The following DENND1A variants were observed in gnomAD, a reference collection of about 807,000 sequenced individuals.
DENND1A encodes DENN domain-containing protein 1A.
In DENND1A, 51 loss-of-function variants were observed where a neutral mutation model predicts 113.7. That is an observed-to-expected ratio of 0.45 (90% CI 0.36 to 0.57). The LOEUF is 0.57. Among genes scored for constraint, DENND1A ranks in the 20% least tolerant of loss-of-function variants. The pLI is 0.00. For synonymous variants in DENND1A, 565 were observed against 570.8 expected (o/e 0.99, Z 0.14); for missense variants, 1,258 against 1,395.9 (o/e 0.90, Z 1.57).
At chr9:123,853,842 C>T (rs1195989777) in intron 2 of DENND1A, among the ~76,000 whole-genome samples, 1 of 152,064 alleles carries the variant, frequency 6.6e-6, no homozygotes, top group Non-Finnish European at 1.5e-5. Flanking sequence ...CTTGAGATGC[C>T]AGCCTCTCAA....
intron 3 of DENND1A, among the ~76,000 whole-genome samples, chr9:123,774,595 T>C (rs1292244100): frequency 3.3e-5 from 5 of 152,164 alleles, no homozygotes; most frequent in African/African-American, 1.2e-4. Context: ...TAAGGGGTTT[T>C]ACAGAAAGGC....
intron 2 of DENND1A, among the ~76,000 whole-genome samples, chr9:123,864,768 G>A (rs1845588023): frequency 6.6e-6 from 1 of 151,904 alleles, no homozygotes; most frequent in African/African-American, 2.4e-5. Flanking sequence ...TCAACCTACT[G>A]GAAATGAGAT....
intron 2 of DENND1A, among the ~76,000 whole-genome samples, chr9:123,810,259 A>G (rs1158007221): frequency 2.0e-5 from 3 of 152,040 alleles, no homozygotes; most frequent in Non-Finnish European, 2.9e-5. Context: ...TTCATGTCGC[A>G]AGGCAACTCT....
At chr9:123,472,096 A>G (rs1181653010) in intron 13 of DENND1A, among the ~76,000 whole-genome samples, 2 of 152,166 alleles carry the variant, frequency 1.3e-5, no homozygotes, top group Non-Finnish European at 2.9e-5. Context: ...CGTACTTTGG[A>G]GCACACAGCA....
At chr9:123,632,613 C>T (rs1409224448) in intron 9 of DENND1A, among the ~76,000 whole-genome samples, 4 of 152,100 alleles carry the variant, frequency 2.6e-5, no homozygotes, top group African/African-American at 9.7e-5. Flanking sequence ...CCATCACTTC[C>T]TACTCAGAAG....
intron 13 of DENND1A, among the ~76,000 whole-genome samples, chr9:123,499,179 A>G (rs754582605): frequency 2.6e-5 from 4 of 151,924 alleles, no homozygotes; most frequent in Non-Finnish European, 5.9e-5. Flanking sequence ...GATTACAGGC[A>G]CACGCCACCA....
chr9:123,644,856 T>A (rs7019878), intron 9 of DENND1A, among the ~76,000 whole-genome samples: 1 of 152,180 alleles, frequency 6.6e-6, no homozygotes, highest in Non-Finnish European at 1.5e-5. Flanking sequence ...ATAATATCTA[T>A]CTTCTAGGAA....
intron 2 of DENND1A, among the ~76,000 whole-genome samples, chr9:123,802,263 C>A (rs368459836): frequency 3.9e-5 from 6 of 152,308 alleles, no homozygotes; most frequent in East Asian, 1.9e-4. Context: ...TCTCCGCCCA[C>A]TGGCCTGGAG....
At chr9:123,389,578 G>A (rs1250677593) in intron 21 of DENND1A, among the ~76,000 whole-genome samples, 1 of 152,216 alleles carries the variant, frequency 6.6e-6, no homozygotes, top group Non-Finnish European at 1.5e-5. Context: ...CCTCCATACA[G>A]CCACCAGAGT....
intron 22 of DENND1A, among the ~76,000 whole-genome samples, chr9:123,386,159 C>T (rs2042548959): frequency 6.6e-6 from 1 of 152,138 alleles, no homozygotes; most frequent in Non-Finnish European, 1.5e-5. Context: ...TAAATTGACA[C>T]ATAGATGAAC....
intron 5 of DENND1A, among the ~76,000 whole-genome samples, chr9:123,698,326 T>G (rs950070039): frequency 6.6e-6 from 1 of 152,204 alleles, no homozygotes; most frequent in African/African-American, 2.4e-5. Context: ...AATCATTTGG[T>G]AAGCTATAAA....
At chr9:123,626,203 T>G (rs1285268198) in intron 10 of DENND1A, among the ~76,000 whole-genome samples, 3 of 152,110 alleles carry the variant, frequency 2.0e-5, no homozygotes, top group Non-Finnish European at 4.4e-5. Context: ...TGAGGCTACC[T>G]TTTAGAGCAC....
intron 5 of DENND1A, among the ~76,000 whole-genome samples, chr9:123,740,104 G>T (rs2068878615): frequency 6.6e-6 from 1 of 152,086 alleles, no homozygotes; most frequent in African/African-American, 2.4e-5. Context: ...AGCACTTACA[G>T]TGCAATCTTG....
At chr9:123,851,416 T>C (rs999867965) in intron 2 of DENND1A, among the ~76,000 whole-genome samples, 3 of 152,212 alleles carry the variant, frequency 2.0e-5, no homozygotes, top group African/African-American at 7.2e-5. Context: ...GTTTACTCCT[T>C]TCTAGCCTCT....
chr9:123,625,948 G>T (rs1334006883), intron 10 of DENND1A, among the ~76,000 whole-genome samples: 1 of 152,174 alleles, frequency 6.6e-6, no homozygotes, highest in Non-Finnish European at 1.5e-5. Flanking sequence ...CTGGAGGGCA[G>T]TGGCTCAATT....
chr9:123,539,661 A>C lies in DENND1A; in HGVS notation c.993+17909T>G, dbSNP rs143480766. On this transcript the variant is annotated intron_variant, in intron 13 of 23. Coordinates refer to ENST00000394215, the MANE Select transcript of DENND1A (RefSeq NM_001352964.2). ...CACTTTGGGAGGCCGAGGCAGGTGG[A>C]TCATGAGGTCAGGAGAGCGAGACCA... Among the ~76,000 whole-genome samples the C allele has an allele frequency of 6.2e-4, 94 of 152,232 alleles. 1 individual carries two copies. Among genetic ancestry groups the C allele is most frequent in the Non-Finnish European group, 6.3e-4 (43 of 68,012 alleles).
intron 10 of DENND1A, among the ~76,000 whole-genome samples, chr9:123,629,440 T>C (rs1386948759): frequency 7.9e-5 from 12 of 152,200 alleles, no homozygotes; most frequent in Non-Finnish European, 1.5e-4. Flanking sequence ...ACAGTCTGTT[T>C]TGGTAATCTA....
chr9:123,787,726 A>G (rs978172874), intron 3 of DENND1A, among the ~76,000 whole-genome samples: 4 of 152,176 alleles, frequency 2.6e-5, no homozygotes, highest in African/African-American at 9.6e-5. Flanking sequence ...TAATTTGTTT[A>G]ACTGCCTATA....
rs2042322751 is a variant in DENND1A, at chr9:123,382,396, A to C, written c.2249T>G (p.Val750Gly). The C allele has an allele frequency of 1.3e-6, 2 of 1,598,600 alleles. No individual in the cohort carries two copies. Among genetic ancestry groups the C allele is most frequent in the African/African-American group, 2.7e-5 (2 of 74,562 alleles). Residue 750 changes from valine (V) to glycine (G), a missense_variant, in exon 24 of 24, where the codon GTG becomes GGG. Coordinates refer to ENST00000394215, the MANE Select transcript of DENND1A (RefSeq NM_001352964.2). ...GATGCTGCCCAGAGTAGGGGTGGGC[A>C]CCTCCTCCTTGTCACTGGGGTTCAG... Reference protein sequence around the residue: ...SILNPSDKEEVPTPTLGSITI... With the variant: ...SILNPSDKEEGPTPTLGSITI...
Sources: allele counts gnomAD v4.1 joint callset (sites outside exome capture counted in the v4.1 genomes callset), GRCh38; gene constraint gnomAD v4.1.1; transcripts MANE v1.5; gene names NCBI Gene and HGNC (gene_info 2026-07-23, HGNC 2026-07-21).